The following DGKD variants were observed in gnomAD, a reference collection of about 807,000 sequenced individuals.
The protein encoded by DGKD is DAG kinase delta.
A neutral mutation model predicts 154.4 loss-of-function variants in DGKD; 68 were observed. The observed-to-expected ratio is 0.44, with a 90% confidence interval of 0.36 to 0.54. The LOEUF (loss-of-function observed/expected upper bound fraction) is 0.54. Ranked by LOEUF, DGKD falls within the 20% of genes least tolerant of loss-of-function variation. DGKD has a pLI of 0.00. For synonymous variants in DGKD, 693 were observed against 638.0 expected (o/e 1.09, Z -1.30); for missense variants, 1,343 against 1,593.6 (o/e 0.84, Z 2.68).
At chr2:233,447,122 C>T (rs544624408) in intron 12 of DGKD, among the ~76,000 whole-genome samples, 10 of 152,294 alleles carry the variant, frequency 6.6e-5, no homozygotes, top group Non-Finnish European at 1.0e-4. Flanking sequence ...GGTGCGCGCC[C>T]GTTCCCTCCC....
At chr2:233,375,871 C>T (rs1702548591) in intron 1 of DGKD, among the ~76,000 whole-genome samples, 1 of 152,016 alleles carries the variant, frequency 6.6e-6, no homozygotes, top group South Asian at 2.1e-4. Context: ...AAAGCAAATA[C>T]TTCTGGTTCT....
intron 1 of DGKD, among the ~76,000 whole-genome samples, chr2:233,357,121 C>A (rs1701563047): frequency 1.3e-5 from 2 of 152,188 alleles, no homozygotes; most frequent in African/African-American, 4.8e-5. Context: ...CCAGGGACAG[C>A]TGTCACCCAC....
chr2:233,450,369 G>A (rs915171753), intron 16 of DGKD, among the ~76,000 whole-genome samples: 7 of 152,138 alleles, frequency 4.6e-5, no homozygotes, highest in African/African-American at 1.7e-4. Flanking sequence ...CCTCCATCAG[G>A]GCGAGGACTG....
rs1380664472 is a variant in DGKD at position 233,435,854 on chromosome 2, G to A, written c.623G>A (p.Arg208His). 9.9e-6 allele frequency: 16 copies of A among 1,612,486 alleles called. No homozygotes were observed. Among genetic ancestry groups the A allele is most frequent in the East Asian group, 2.2e-5 (1 of 44,862 alleles). Reference protein sequence around the residue: ...KFKAHKRCAVRATNNCKWTTL... With the variant: ...KFKAHKRCAVHATNNCKWTTL... ...AAGGCCCACAAGCGCTGTGCTGTGC[G>A]TGCAACCAATAACTGCAAGTGGACC... is the stretch of plus-strand genomic sequence containing the variant. The change falls in exon 6 of 30, where the codon CGT becomes CAT. Residue 208 changes from arginine (R) to histidine (H), a missense_variant. Coordinates refer to ENST00000264057, the MANE Select transcript of DGKD (RefSeq NM_152879.3).
intron 3 of DGKD, among the ~76,000 whole-genome samples, chr2:233,403,381 G>A (rs2061604091): frequency 6.6e-6 from 1 of 151,958 alleles, no homozygotes; most frequent in East Asian, 2.0e-4. Flanking sequence ...CCAACATGGT[G>A]AAACCCTGTC....
Position 233,445,894 on chromosome 2 carries a change from T to A in DGKD, c.1334+132T>A. 2 of 1,102,166 alleles carry A rather than the reference T, an allele frequency of 1.8e-6. No homozygotes were observed. The highest frequency in any genetic ancestry group is 2.5e-6 in the Non-Finnish European group (2 of 802,878). 68.3% of individuals were successfully genotyped at this position (1,102,166 alleles called of 1,614,324 possible). On this transcript the variant is annotated intron_variant, in intron 11 of 29. Coordinates refer to ENST00000264057, the MANE Select transcript of DGKD (RefSeq NM_152879.3). The surrounding 1 kb of genome is among the most constrained non-coding windows in gnomAD (Gnocchi z 5.5). ...ATTATTTGTAAAGATTTGACCTGAG[T>A]ATATATTCGGATAGTCTTTGATATT... is the stretch of plus-strand genomic sequence containing the variant.
rs146074626 is a variant in DGKD, at chr2:233,406,186, TAAAC to T, written c.348+15705_348+15708del. 5.9e-3 allele frequency among the ~76,000 whole-genome samples: 893 copies of T among 152,328 alleles called. 9 individuals carry two copies. The highest frequency in any genetic ancestry group is 0.021 in the African/African-American group (855 of 41,568). On this transcript the variant is annotated intron_variant, in intron 3 of 29. Coordinates refer to ENST00000264057, the MANE Select transcript of DGKD (RefSeq NM_152879.3). ...TTCTGTGTCTTCTCCTCTGTTTTCTTAAACAGACACCTGTCCTTGGATTTAGGGC... is the reference window on the plus strand; with the variant it reads ...TTCTGTGTCTTCTCCTCTGTTTTCTTAGACACCTGTCCTTGGATTTAGGGC...
chr2:233,384,868 C>T (rs1456374994), intron 1 of DGKD, among the ~76,000 whole-genome samples: 1 of 152,162 alleles, frequency 6.6e-6, no homozygotes, highest in Admixed American at 6.5e-5. Flanking sequence ...TCTGCTTGCC[C>T]AGCCCCTCCT....
intron 25 of DGKD, 76 bp from the exon 26 acceptor site, chr2:233,462,567 C>G (rs775439021): frequency 2.5e-5 from 39 of 1,544,892 alleles, no homozygotes; most frequent in East Asian, 1.6e-4. Flanking sequence ...TTCGGCCCTC[C>G]CAGTGCTTGT....
intron 5 of DGKD, 27 bp downstream of exon 5, chr2:233,434,928 C>T: frequency 6.3e-7 from 1 of 1,593,914 alleles, no homozygotes; most frequent in Non-Finnish European, 8.5e-7. Flanking sequence ...GTTATTCTGT[C>T]AGGAAAGGTG....
At chr2:233,436,071 G>A (rs958433844) in intron 6 of DGKD, 147 bp downstream of exon 6, 20 of 1,045,366 alleles carry the variant, frequency 1.9e-5, no homozygotes, top group Middle Eastern at 2.7e-4. Context: ...AATTATATGC[G>A]GTCTCCGTGT....
intron 3 of DGKD, among the ~76,000 whole-genome samples, chr2:233,406,308 G>A (rs1188876988): frequency 6.6e-6 from 1 of 152,174 alleles, no homozygotes; most frequent in Non-Finnish European, 1.5e-5. Context: ...ACATTCACAG[G>A]TTCCAGAGAT....
At chr2:233,433,391 A>AG (rs2062592159) in intron 3 of DGKD, among the ~76,000 whole-genome samples, 1 of 152,130 alleles carries the variant, frequency 6.6e-6, no homozygotes, top group Non-Finnish European at 1.5e-5. Context: ...AAAAAAAAAA[A>AG]GAAAACAGTT....
intron 10 of DGKD, among the ~76,000 whole-genome samples, chr2:233,444,735 T>C (rs1056524405): frequency 6.6e-6 from 1 of 150,400 alleles, no homozygotes; most frequent in Admixed American, 6.6e-5. Flanking sequence ...GGACCTTCCC[T>C]GGTGTTTGCT....
intron 3 of DGKD, among the ~76,000 whole-genome samples, chr2:233,430,269 G>C (rs545668656): frequency 6.6e-6 from 1 of 152,320 alleles, no homozygotes; most frequent in South Asian, 2.1e-4. Context: ...AGGAAAAGAT[G>C]CTTGTAAAGA....
At chr2:233,366,752 T>G (rs1702046275) in intron 1 of DGKD, among the ~76,000 whole-genome samples, 1 of 151,218 alleles carries the variant, frequency 6.6e-6, no homozygotes, top group Non-Finnish European at 1.5e-5. Context: ...AGCCCGAGAG[T>G]GAGGACAGTG....
chr2:233,393,334 CTTTTTT>C (rs61587988), intron 3 of DGKD, among the ~76,000 whole-genome samples: 1 of 103,860 alleles, frequency 9.6e-6, no homozygotes, highest in Admixed American at 1.1e-4. Context: ...GGCCTGTTTC[CTTTTTT>C]TTTTTTTTTT....
intron 3 of DGKD, among the ~76,000 whole-genome samples, 190 bp downstream of exon 3, chr2:233,390,673 A>G (rs917530066): frequency 7.9e-5 from 12 of 152,230 alleles, no homozygotes; most frequent in African/African-American, 2.9e-4. Flanking sequence ...TTTGGCATGC[A>G]TAAGCACAAA....
At chr2:233,379,226 G>A (rs1270739800) in intron 1 of DGKD, among the ~76,000 whole-genome samples, 4 of 152,130 alleles carry the variant, frequency 2.6e-5, no homozygotes, top group East Asian at 1.9e-4. Context: ...AAGACTTCCC[G>A]AAGGTGGTGG....
Sources: allele counts gnomAD v4.1 joint callset (sites outside exome capture counted in the v4.1 genomes callset), GRCh38; gene constraint gnomAD v4.1.1; non-coding constraint Gnocchi (gnomAD v3.1); transcripts MANE v1.5; gene names NCBI Gene and HGNC (gene_info 2026-07-23, HGNC 2026-07-21).